The following TGM2 variants were observed in gnomAD, a reference collection of about 807,000 sequenced individuals.
TGM2 encodes transglutaminase 2, also known as protein-glutamine gamma-glutamyltransferase 2.
Under a neutral mutation model 75.6 loss-of-function variants are expected in TGM2, and 53 were observed. The observed-to-expected ratio is 0.70, with a 90% CI of 0.56 to 0.88. TGM2 has a LOEUF of 0.88. TGM2 is among the 40% of genes least tolerant of loss of function. The probability of loss-of-function intolerance (pLI) is 0.00; values close to 1 mark genes in which losing one functional copy is unlikely to be tolerated. For missense variants in TGM2, 842 were observed against 928.5 expected (o/e 0.91, Z 1.21); for synonymous variants, 374 against 381.1 (o/e 0.98, Z 0.22).
At chr20:38,146,654 T>G in intron 6 of TGM2, 63 bp downstream of exon 6, 1 of 1,593,784 alleles carries the variant, frequency 6.3e-7, no homozygotes, top group Non-Finnish European at 8.6e-7. Flanking sequence ...TCCTGATTCC[T>G]ACTCCAGTGC....
chr20:38,144,353 T>G (rs1197996907), intron 6 of TGM2, among the ~76,000 whole-genome samples: 1 of 152,076 alleles, frequency 6.6e-6, no homozygotes, highest in Non-Finnish European at 1.5e-5. Flanking sequence ...AGGCCGCGGG[T>G]GTGGGCACAG....
intron 3 of TGM2, among the ~76,000 whole-genome samples, chr20:38,154,556 T>C (rs2075158305): frequency 6.6e-6 from 1 of 152,236 alleles, no homozygotes; most frequent in Admixed American, 6.5e-5. Context: ...TTTCTAGTTT[T>C]GTCCAAGGTT....
chr20:38,155,241 G>A (rs1250981023), intron 3 of TGM2, among the ~76,000 whole-genome samples: 2 of 152,202 alleles, frequency 1.3e-5, no homozygotes, highest in Non-Finnish European at 2.9e-5. Context: ...CCAAGTCACC[G>A]CTAAGCCCCA....
chr20:38,146,917 G>A (rs757467099), intron 5 of TGM2, 23 bp from the exon 6 acceptor site: 1 of 1,608,878 alleles, frequency 6.2e-7, no homozygotes, highest in Admixed American at 1.7e-5. Context: ...GGGCAGCACG[G>A]GGACTGAGCC....
In TGM2 at chr20:38,156,033, C is replaced by T. The variant is rs756474144; in HGVS notation, c.247G>A (p.Val83Met). Residue 83 changes from valine (V) to methionine (M), a missense_variant, in exon 3 of 13, where the codon GTG (valine) becomes ATG (methionine). Val to Met is a conservative substitution (Grantham distance 21). Coordinates refer to ENST00000361475, the MANE Select transcript of TGM2 (RefSeq NM_004613.4). ...TKARFPLRDA[V>M]EEGDWTATVV... The stretch of plus-strand genomic sequence containing the variant: ...GTGGCTGTCCAGTCACCCTCCTCCA[C>T]AGCATCTCTTAGTGGAAAACGGGCC... The T allele has an allele frequency of 6.2e-7, 1 of 1,613,920 alleles. No individual in the cohort carries two copies. The highest frequency in any genetic ancestry group is 2.2e-5 in the East Asian group (1 of 44,884).
intron 3 of TGM2, among the ~76,000 whole-genome samples, chr20:38,155,368 G>C (rs1208324225): frequency 1.3e-5 from 2 of 152,058 alleles, no homozygotes; most frequent in East Asian, 3.9e-4. Context: ...TAGAGACAGG[G>C]TCTCACCCTG....
At position 38,130,111 on chromosome 20, in the gene TGM2, C is replaced by T; in HGVS notation, c.*108G>A. 3 of 1,501,438 alleles carry T rather than the reference C, an allele frequency of 2.0e-6. No individual in the cohort carries two copies. The highest frequency in any genetic ancestry group is 2.7e-6 in the Non-Finnish European group (3 of 1,105,964). 93.0% of individuals were successfully genotyped at this position (1,501,438 alleles called of 1,614,324 possible). A position where few individuals can be genotyped will look rare whatever the true frequency, so the allele number is the denominator to read the frequency against. On this transcript the variant is annotated 3_prime_UTR_variant, in exon 13 of 13. Coordinates refer to ENST00000361475, the MANE Select transcript of TGM2 (RefSeq NM_004613.4). The stretch of plus-strand genomic sequence containing the variant: ...TCCGAGAGCCCCCATAGGCTGCCCA[C>T]CCTGCCCTGGGGTCTGGGGCCCAAG...
chr20:38,144,129 C>A (rs2075013405), intron 6 of TGM2, among the ~76,000 whole-genome samples: 1 of 152,188 alleles, frequency 6.6e-6, no homozygotes, highest in Non-Finnish European at 1.5e-5. Context: ...AGCCAAGTGC[C>A]ACTCTTGCCC....
chr20:38,135,979 C>T (rs1022958954), intron 10 of TGM2, among the ~76,000 whole-genome samples: 2 of 152,184 alleles, frequency 1.3e-5, no homozygotes. Context: ...GCATGTTCAC[C>T]GCGCCCAAGG....
chr20:38,162,120 A>G (rs2075261638), intron 1 of TGM2, among the ~76,000 whole-genome samples: 1 of 152,134 alleles, frequency 6.6e-6, no homozygotes, highest in Non-Finnish European at 1.5e-5. Flanking sequence ...CTTTGCCTAA[A>G]TCTTTTAATC....
intron 1 of TGM2, 29 bp from the exon 2 acceptor site, chr20:38,161,628 C>G (rs1223639483): frequency 2.5e-6 from 4 of 1,613,872 alleles, no homozygotes; most frequent in Non-Finnish European, 3.4e-6. Flanking sequence ...ACGCATGAGC[C>G]TCGGGGGCAT....
At chr20:38,146,602 T>C in intron 6 of TGM2, 115 bp downstream of exon 6, 1 of 1,253,948 alleles carries the variant, frequency 8.0e-7, no homozygotes, top group Non-Finnish European at 1.1e-6. Flanking sequence ...ACATAGCGCA[T>C]TGAGAGTGTT....
intron 2 of TGM2, among the ~76,000 whole-genome samples, chr20:38,156,923 A>G (rs1352593350): frequency 6.6e-6 from 1 of 152,098 alleles, no homozygotes; most frequent in Non-Finnish European, 1.5e-5. Context: ...CCCAAAGAGG[A>G]CACTCCCCAG....
intron 12 of TGM2, 70 bp downstream of exon 12, chr20:38,131,023 G>T: frequency 6.2e-7 from 1 of 1,601,428 alleles, no homozygotes. Context: ...GGTACCTAAG[G>T]ACAGTCTCTA....
In TGM2 at chr20:38,146,833, C is replaced by A; in HGVS notation, c.743G>T (p.Gly248Val). Residue 248 changes from glycine (G) to valine (V), a missense_variant, in exon 6 of 13, where the codon GGC becomes GTC. Physicochemically the swap from Gly to Val is moderately radical, Grantham distance 109 (BLOSUM62 -3). Coordinates refer to ENST00000361475, the MANE Select transcript of TGM2 (RefSeq NM_004613.4). ...GCCGATCCAGGACATGGGGCTGACGCCGTCCCCGTAGTTGTTGTCCCAGCG... is the reference window on the plus strand; with the variant it reads ...GCCGATCCAGGACATGGGGCTGACGACGTCCCCGTAGTTGTTGTCCCAGCG... The part of the protein sequence containing the change: ...LGRWDNNYGD[G>V]VSPMSWIGSV... 2 of 1,614,144 alleles carry A rather than the reference C, an allele frequency of 1.2e-6. No homozygotes were observed. The highest frequency in any genetic ancestry group is 1.7e-6 in the Non-Finnish European group (2 of 1,180,038).
chr20:38,150,884 G>C lies in TGM2; in HGVS notation c.552+55C>G. ...AGCTTTGGCTGCCCCCAGACACAGG[G>C]CCGGGCACACAGAAGGGCCTGAGAT... On this transcript the variant is annotated intron_variant, in intron 4 of 12. Transcript: ENST00000361475. 2.9e-6 allele frequency: 4 copies of C among 1,357,024 alleles called. No homozygotes were observed. In the Admixed American group the frequency reaches 6.7e-5, roughly 23 times the overall value. The allele number at this position is 1,357,024 out of a possible 1,614,324, so 84.1% of individuals were successfully genotyped here.
chr20:38,164,773 TTGCACACCACCGGCGTGGCA>T (rs965679145), intron 1 of TGM2, among the ~76,000 whole-genome samples: 3 of 152,228 alleles, frequency 2.0e-5, no homozygotes, highest in East Asian at 1.9e-4. Flanking sequence ...CAGGCTTGGC[TTGCACACCACCGGCGTGGCA>T]TGCACACCAC....
intron 1 of TGM2, among the ~76,000 whole-genome samples, chr20:38,163,214 G>A (rs1259623097): frequency 6.6e-6 from 1 of 151,632 alleles, no homozygotes; most frequent in Admixed American, 6.6e-5. Flanking sequence ...TCAAGGTCAG[G>A]ATGGGGAAGC....
chr20:38,157,194 C>G (rs1479514290), intron 2 of TGM2, among the ~76,000 whole-genome samples: 1 of 152,186 alleles, frequency 6.6e-6, no homozygotes, highest in East Asian at 1.9e-4. Flanking sequence ...TTGGGGCCTG[C>G]TCACCCAGGG....
Sources: gnomAD v4.1 joint callset for allele counts (sites outside exome capture counted in the v4.1 genomes callset) on GRCh38, gnomAD v4.1.1 for gene constraint, MANE v1.5 for transcripts, NCBI Gene and HGNC (gene_info 2026-07-23, HGNC 2026-07-21) for gene names.